Variants in SAMM50 observed in about 807,000 individuals in gnomAD.
The protein encoded by SAMM50 is sorting and assembly machinery component 50 homolog.
SAMM50 carries 47 observed loss-of-function variants against 66.9 expected under a neutral mutation model. The ratio of observed to expected loss-of-function variants is 0.70; its 90% CI spans 0.56 to 0.90. The LOEUF (loss-of-function observed/expected upper bound fraction) is 0.90, where lower values mean the gene tolerates loss of function less well. Among genes scored for constraint, SAMM50 ranks in the 40% least tolerant of loss-of-function variants. SAMM50 has a pLI of 0.00. For synonymous variants in SAMM50, 191 were observed against 214.1 expected (o/e 0.89, Z 0.94); for missense variants, 535 against 595.3 (o/e 0.90, Z 1.05).
intron 14 of SAMM50, among the ~76,000 whole-genome samples, chr22:43,994,467 A>T (rs1007718144): frequency 2.6e-5 from 4 of 151,982 alleles, no homozygotes; most frequent in Non-Finnish European, 4.4e-5. Flanking sequence ...GTGTGGTGGG[A>T]GGTGGGGTGC....
chr22:43,978,432 C>CAA (rs71313377), intron 10 of SAMM50, among the ~76,000 whole-genome samples: 3 of 69,112 alleles, frequency 4.3e-5, no homozygotes, highest in East Asian at 5.4e-4. Flanking sequence ...GACTCCTTCT[C>CAA]AAAAAAAAAA....
chr22:43,993,018 G>A (rs528893474), intron 14 of SAMM50, among the ~76,000 whole-genome samples: 1 of 152,376 alleles, frequency 6.6e-6, no homozygotes, highest in East Asian at 1.9e-4. Context: ...GGTTTTGCAA[G>A]TTTCTTTCTA....
chr22:43,983,909 G>T lies in SAMM50; in HGVS notation c.1008-24G>T. The T allele has an allele frequency of 6.3e-7, 1 of 1,577,272 alleles. No homozygotes were observed. Among genetic ancestry groups the T allele is most frequent in the South Asian group, 1.1e-5 (1 of 87,812 alleles). On this transcript the variant is annotated intron_variant, in intron 11 of 14. Transcript: ENST00000350028. The surrounding 1 kb of genome is among the most constrained non-coding windows in gnomAD (Gnocchi z 4.2). ...GTTTCTCACCTCCTGACTTTCCTCT[G>T]ACCTGTGTGCTGTTTTGTCCTAGGT...
At chr22:43,994,858 T>G (rs1399546067) in intron 14 of SAMM50, among the ~76,000 whole-genome samples, 2 of 152,234 alleles carry the variant, frequency 1.3e-5, no homozygotes, top group African/African-American at 4.8e-5. Flanking sequence ...CTTGTGAAGT[T>G]GTTTAATCTG....
At chr22:43,959,441 G>A (rs1487927480) in intron 1 of SAMM50, among the ~76,000 whole-genome samples, 2 of 151,594 alleles carry the variant, frequency 1.3e-5, no homozygotes, top group Non-Finnish European at 2.9e-5. Context: ...CTTATTGACT[G>A]ACTGGTAGAC....
At chr22:43,961,044 G>A (rs542145591) in intron 1 of SAMM50, among the ~76,000 whole-genome samples, 190 of 152,172 alleles carry the variant, frequency 1.2e-3, no homozygotes, top group Non-Finnish European at 2.0e-3. Context: ...AGGTACTTCT[G>A]AGGATCATCA....
intron 1 of SAMM50, among the ~76,000 whole-genome samples, chr22:43,958,476 C>CTTT (rs3083316): frequency 0.2 from 22,969 of 112,322 alleles, 3,049 homozygotes; most frequent in East Asian, 0.35. Flanking sequence ...TTATGGAGCT[C>CTTT]TTTTTTTTTT....
Position 43,989,256 on chromosome 22 carries a change from T to A in SAMM50, c.1221T>A (p.Tyr407Ter). ...CAGGAAACCTCTGCAACCTCAACTA[T>A]GGTAAAACTTGCGCTATTCAAGAAA... The part of the protein sequence containing the change: ...LNAGNLCNLN[Y>*]GEGPKAHIRK... Residue 407 changes from tyrosine (Y) to a stop codon, truncating the protein, a stop_gained and splice_region_variant, in exon 13 of 15, where the codon TAT becomes TAA. Coordinates refer to ENST00000350028, the MANE Select transcript of SAMM50 (RefSeq NM_015380.5). LOFTEE classifies it high-confidence loss of function. 6.2e-7 allele frequency: 1 copy of A among 1,613,924 alleles called. No homozygotes were observed. The highest frequency in any genetic ancestry group is 8.5e-7 in the Non-Finnish European group (1 of 1,179,962).
chr22:43,975,794 C>T (rs977954474), intron 7 of SAMM50: 24 of 397,940 alleles, frequency 6.0e-5, no homozygotes, highest in African/African-American at 3.8e-4. Flanking sequence ...CAGCCCTGTC[C>T]CTCACCTGGG....
intron 1 of SAMM50, among the ~76,000 whole-genome samples, chr22:43,959,112 G>A (rs2050135460): frequency 6.7e-6 from 1 of 150,354 alleles, no homozygotes; most frequent in African/African-American, 2.5e-5. Context: ...TCTGCCTCCT[G>A]GGTTCAAGCG....
chr22:43,986,101 G>T (rs2050291877), intron 12 of SAMM50, among the ~76,000 whole-genome samples: 1 of 132,786 alleles, frequency 7.5e-6, no homozygotes. Flanking sequence ...GGAGTGCATT[G>T]GCGCAATCTC....
intron 6 of SAMM50, 51 bp from the exon 7 acceptor site, chr22:43,973,185 A>G (rs774389937): frequency 3.0e-6 from 4 of 1,352,338 alleles, no homozygotes; most frequent in Non-Finnish European, 4.2e-6. Flanking sequence ...AAATGTGTGC[A>G]AGTTCTAATC....
chr22:43,976,940 A>G (rs1232419523), intron 9 of SAMM50, 119 bp downstream of exon 9: 24 of 634,336 alleles, frequency 3.8e-5, no homozygotes, highest in Non-Finnish European at 6.4e-5. Context: ...GTAATCGCAC[A>G]TGCAGTATCG....
intron 4 of SAMM50, among the ~76,000 whole-genome samples, chr22:43,970,086 C>T (rs1177474308): frequency 6.6e-6 from 1 of 152,142 alleles, no homozygotes; most frequent in Admixed American, 6.5e-5. Flanking sequence ...ATAGTTTCAG[C>T]CAACACTAAC....
intron 1 of SAMM50, chr22:43,956,939 A>G: frequency 1.9e-6 from 1 of 536,130 alleles, no homozygotes; most frequent in South Asian, 2.7e-5. Flanking sequence ...TTTGGTTACT[A>G]GCAAGTAGGT....
chr22:43,962,021 ATAT>A (rs2050149530), intron 1 of SAMM50, among the ~76,000 whole-genome samples: 1 of 151,944 alleles, frequency 6.6e-6, no homozygotes, highest in African/African-American at 2.4e-5. Flanking sequence ...TGTGTATGTG[ATAT>A]TATGTTTATG....
At chr22:43,981,484 A>T in intron 11 of SAMM50, 23 bp downstream of exon 11, 1 of 1,516,904 alleles carries the variant, frequency 6.6e-7, no homozygotes, top group Non-Finnish European at 9.2e-7. Flanking sequence ...CAATGAATGG[A>T]TAATTTGCAC....
At chr22:43,975,431 C>A (rs1271684508) in intron 7 of SAMM50, 2 of 152,422 alleles carry the variant, frequency 1.3e-5, no homozygotes, top group African/African-American at 4.8e-5. Flanking sequence ...CACCAAACAT[C>A]GTTCACTGTT....
chr22:43,969,895 A>C (rs1045710982), intron 4 of SAMM50, among the ~76,000 whole-genome samples: 3 of 152,182 alleles, frequency 2.0e-5, no homozygotes, highest in Non-Finnish European at 4.4e-5. Context: ...TAGAGTTCCC[A>C]CTTTAGTCAG....
Sources: allele counts gnomAD v4.1 joint callset (sites outside exome capture counted in the v4.1 genomes callset), GRCh38; gene constraint gnomAD v4.1.1; non-coding constraint Gnocchi (gnomAD v3.1); transcripts MANE v1.5; gene names NCBI Gene and HGNC (gene_info 2026-07-23, HGNC 2026-07-21).